The following DIPK2B variants were observed in gnomAD, a reference collection of about 807,000 sequenced individuals.
The protein encoded by DIPK2B is divergent protein kinase domain 2B.
DIPK2B carries 15 observed loss-of-function variants against 22.2 expected under a neutral mutation model. The ratio of observed to expected loss-of-function variants is 0.68; its 90% CI spans 0.45 to 1.04. The LOEUF (loss-of-function observed/expected upper bound fraction) is 1.04. DIPK2B is among the 50% of genes least tolerant of loss of function. The pLI, the probability that DIPK2B is intolerant of heterozygous loss-of-function variation, is 0.00. For synonymous variants in DIPK2B, 163 were observed against 153.2 expected (o/e 1.06, Z -0.47); for missense variants, 345 against 348.3 (o/e 0.99, Z 0.08).
Position 45,192,033 on chromosome X carries a change from C to T in DIPK2B, c.234-18G>A. Reference sequence around the variant, plus strand: ...TGTCAGATCTGTTGGAAGAATAGCCCTTTGAGGATTGGCCTGTGAGCTGGA... The same window carrying T: ...TGTCAGATCTGTTGGAAGAATAGCCTTTTGAGGATTGGCCTGTGAGCTGGA... On this transcript the variant is annotated intron_variant, in intron 1 of 4. Transcript: ENST00000398000. 1.7e-6 allele frequency: 2 copies of T among 1,194,704 alleles called. No homozygotes were observed. Among genetic ancestry groups the T allele is most frequent in the Non-Finnish European group, 2.3e-6 (2 of 886,996 alleles).
In DIPK2B at chrX:45,193,258, T is replaced by G. The variant is rs188029881; in HGVS notation, c.234-1243A>C. ...CTTCATTATTATTAACAATTGAAGG[T>G]CATACTGCAAATGAAAATCAGGCAG... On this transcript the variant is annotated intron_variant, in intron 1 of 4. Coordinates refer to ENST00000398000, the MANE Select transcript of DIPK2B (RefSeq NM_176819.4). 6.2e-5 allele frequency among the ~76,000 whole-genome samples: 7 copies of G among 112,575 alleles called. No individual in the cohort carries two copies. In the South Asian group the frequency reaches 2.6e-3, roughly 41 times the overall value.
intron 2 of DIPK2B, among the ~76,000 whole-genome samples, chrX:45,179,239 C>T (rs2047135687): frequency 9.0e-6 from 1 of 111,152 alleles, no homozygotes; most frequent in Admixed American, 9.7e-5. Context: ...ATTGCAAAAT[C>T]CAGGCTTTAA....
At chrX:45,171,718 T>C (rs970290545) in intron 2 of DIPK2B, among the ~76,000 whole-genome samples, 2 of 112,681 alleles carry the variant, frequency 1.8e-5, no homozygotes, top group African/African-American at 6.5e-5. Flanking sequence ...GCAGCTTTCC[T>C]GGCCCTTCCA....
intron 2 of DIPK2B, among the ~76,000 whole-genome samples, chrX:45,179,534 T>G (rs542438645): frequency 9.1e-6 from 1 of 110,418 alleles, no homozygotes; most frequent in Admixed American, 9.7e-5. Flanking sequence ...AGAGACAAAA[T>G]GAATGAAAAA....
intron 1 of DIPK2B, among the ~76,000 whole-genome samples, chrX:45,199,295 C>T: frequency 9.0e-6 from 1 of 111,691 alleles, no homozygotes; most frequent in South Asian, 3.7e-4. Flanking sequence ...TTAATTAATG[C>T]CTTTTGTTTG....
At chrX:45,197,203 T>TG (rs2047243510) in intron 1 of DIPK2B, among the ~76,000 whole-genome samples, 2 of 110,252 alleles carry the variant, frequency 1.8e-5, no homozygotes, top group African/African-American at 6.6e-5. Context: ...TTTTTTTTTT[T>TG]TGAGAGAGAG....
At chrX:45,179,520 G>A (rs1267162185) in intron 2 of DIPK2B, among the ~76,000 whole-genome samples, 1 of 111,060 alleles carries the variant, frequency 9.0e-6, no homozygotes, top group East Asian at 2.8e-4. Flanking sequence ...GAAAATAGAG[G>A]AAAAGAGACA....
intron 2 of DIPK2B, among the ~76,000 whole-genome samples, chrX:45,171,809 G>A (rs989372040): frequency 3.6e-5 from 4 of 112,482 alleles, no homozygotes; most frequent in Admixed American, 9.4e-5. Flanking sequence ...TTAGCTGTTC[G>A]GTGCACAGGA....
chrX:45,198,321 G>T (rs1442873615), intron 1 of DIPK2B, among the ~76,000 whole-genome samples: 2 of 111,375 alleles, frequency 1.8e-5, no homozygotes, highest in East Asian at 5.6e-4. Flanking sequence ...TTGATAATAA[G>T]AAAAAAGGTA....
In DIPK2B at chrX:45,200,786, G is replaced by C. The variant is rs1215280343; in HGVS notation, c.41C>G (p.Pro14Arg). 1 of 1,201,319 alleles carries C rather than the reference G, an allele frequency of 8.3e-7. No individual in the cohort carries two copies. The highest frequency in any genetic ancestry group is 1.1e-6 in the Non-Finnish European group (1 of 890,197). ...QLGPEAAALR[P>R]GWLALLLWVS... is the part of the protein sequence containing the mutation. ...CCACAGCAGCAGGGCCAGCCAGCCA[G>C]GGCGGAGGGCGGCAGCCTCAGGCCC... Residue 14 changes from proline to arginine, a missense_variant, in exon 1 of 5, where the codon CCT (proline) becomes CGT (arginine). Physicochemically the swap from Pro to Arg is moderately radical, Grantham distance 103. Coordinates refer to ENST00000398000, the MANE Select transcript of DIPK2B (RefSeq NM_176819.4).
intron 2 of DIPK2B, chrX:45,164,171 G>T (rs1259215149): frequency 8.4e-7 from 1 of 1,190,754 alleles, no homozygotes; most frequent in Admixed American, 2.2e-5. Context: ...CTCAGTGCTG[G>T]GCTCCATGCC....
intron 2 of DIPK2B, among the ~76,000 whole-genome samples, chrX:45,172,010 G>A (rs1285244955): frequency 8.9e-6 from 1 of 111,902 alleles, no homozygotes; most frequent in Non-Finnish European, 1.9e-5. Context: ...GGTCAGTCCA[G>A]GAACAGTACA....
intron 2 of DIPK2B, among the ~76,000 whole-genome samples, chrX:45,179,728 C>T (rs753610449): frequency 9.1e-6 from 1 of 110,488 alleles, no homozygotes; most frequent in African/African-American, 3.3e-5. Flanking sequence ...AATGTCCAAA[C>T]TAAGAACATA....
At position 45,156,144 on chromosome X, in the gene DIPK2B, T is replaced by C. The variant is rs1049062071; in HGVS notation, c.672+1571A>G. On this transcript the variant is annotated intron_variant, in intron 3 of 4. Transcript: ENST00000398000. ...ACTGTGCCTGGCTATTTTTTTTTTG[T>C]ATTTTTTAGTAGAGACTGGGCTTCA... is the stretch of plus-strand genomic sequence containing the variant. Among the ~76,000 whole-genome samples the C allele has an allele frequency of 4.6e-5, 5 of 107,857 alleles. No individual in the cohort carries two copies. The Admixed American group carries it at 4.9e-4, about 11-fold the overall frequency. 93.7% of individuals were successfully genotyped at this position (107,857 alleles called of 115,157 possible).
chrX:45,180,276 A>G (rs2047142556), intron 2 of DIPK2B, among the ~76,000 whole-genome samples: 1 of 112,172 alleles, frequency 8.9e-6, no homozygotes, highest in Non-Finnish European at 1.9e-5. Flanking sequence ...ATTAATGAAA[A>G]GGATTCCAGA....
chrX:45,173,997 C>T (rs1450251228), intron 2 of DIPK2B, among the ~76,000 whole-genome samples: 2 of 110,904 alleles, frequency 1.8e-5, no homozygotes, highest in African/African-American at 6.6e-5. Flanking sequence ...AAGGAAGGGT[C>T]TGGGGAGAAA....
Position 45,151,324 on chromosome X carries a change from T to G in DIPK2B, c.*328A>C. The G allele has an allele frequency of 4.1e-6, 1 of 246,595 alleles. No individual in the cohort carries two copies. Among genetic ancestry groups the G allele is most frequent in the Non-Finnish European group, 7.2e-6 (1 of 139,726 alleles). The allele number at this position is 246,595 out of a possible 1,213,427, so 20.3% of individuals were successfully genotyped here. On this transcript the variant is annotated 3_prime_UTR_variant, in exon 5 of 5. Transcript: ENST00000398000. Reference sequence around the variant, plus strand: ...GAGCATGTGTCCCAAGACCCATGCTTGGGATATATGCTCAGTGGTGGCTCC... The same window carrying G: ...GAGCATGTGTCCCAAGACCCATGCTGGGGATATATGCTCAGTGGTGGCTCC...
intron 2 of DIPK2B, among the ~76,000 whole-genome samples, chrX:45,165,242 C>T (rs1313044041): frequency 9.0e-6 from 1 of 111,579 alleles, no homozygotes; most frequent in Non-Finnish European, 1.9e-5. Context: ...ATGGCTTCCC[C>T]ATCACTCCTC....
chrX:45,164,298 G>T (rs2047036806), intron 2 of DIPK2B: 1 of 1,164,520 alleles, frequency 8.6e-7, no homozygotes, highest in African/African-American at 1.8e-5. Flanking sequence ...AAGATTTGTG[G>T]AAAATGTGAC....
Sources: gnomAD v4.1 joint callset for allele counts (sites outside exome capture counted in the v4.1 genomes callset) on GRCh38, gnomAD v4.1.1 for gene constraint, MANE v1.5 for transcripts, NCBI Gene and HGNC (gene_info 2026-07-23, HGNC 2026-07-21) for gene names.